TRPM2: variants seen among roughly 807,000 people sequenced by gnomAD.
TRPM2 encodes the protein transient receptor potential cation channel subfamily M member 2.
Under a neutral mutation model 174.0 loss-of-function variants are expected in TRPM2, and 161 were observed. The observed-to-expected ratio is 0.93, with a 90% CI of 0.81 to 1.05. The LOEUF is 1.05. Among genes scored for constraint, TRPM2 ranks in the 50% least tolerant of loss-of-function variants. TRPM2 has a pLI of 0.00. For missense variants in TRPM2, 2,057 were observed against 2,038.0 expected, an observed-to-expected ratio of 1.01 and a Z score of -0.18; for synonymous variants, 954 against 861.3, an observed-to-expected ratio of 1.11 and a Z score of -1.88.
intron 11 of TRPM2, among the ~76,000 whole-genome samples, chr21:44,392,610 C>A (rs372550903): frequency 3.2e-4 from 48 of 152,026 alleles, no homozygotes; most frequent in East Asian, 2.7e-3. Flanking sequence ...CACTTAGGAA[C>A]CCACAATGTG....
At position 44,376,468 on chromosome 21, in the gene TRPM2, G is replaced by T. The variant is rs933519965; in HGVS notation, c.952+455G>T. 9.2e-5 allele frequency among the ~76,000 whole-genome samples: 14 copies of T among 151,984 alleles called. No individual in the cohort carries two copies. Among genetic ancestry groups the T allele is most frequent in the South Asian group, 2.1e-4 (1 of 4,812 alleles). On this transcript the variant is annotated intron_variant, in intron 6 of 31. Coordinates refer to ENST00000397928, the MANE Select transcript of TRPM2 (RefSeq NM_003307.4). This position sits in a 1 kb window ranked among gnomAD's most constrained non-coding sequence, Gnocchi z 4.2. ...TGTGATCTCAGCTCACTGTAGCCTC[G>T]AACTTCTGGGCTCAAGGGATCCTCC... is the stretch of plus-strand genomic sequence containing the variant.
intron 19 of TRPM2, among the ~76,000 whole-genome samples, chr21:44,413,307 C>T (rs183521588): frequency 1.7e-3 from 249 of 149,360 alleles, no homozygotes; most frequent in Middle Eastern, 3.5e-3. Flanking sequence ...GAGGCAACCT[C>T]GGCTCACTGC....
chr21:44,405,908 C>T lies in TRPM2; in HGVS notation c.2661C>T (p.Leu887=), dbSNP rs145401700. 1.1e-4 allele frequency: 180 copies of T among 1,602,376 alleles called. No individual in the cohort carries two copies. Among genetic ancestry groups the T allele is most frequent in the Non-Finnish European group, 1.4e-4 (165 of 1,179,436 alleles). Reference sequence around the variant, plus strand: ...TGTGCTTCTGCCCGGCGGCCAGGCTCATCCCGGCGACGCTGTACCCCGGGC... The same window carrying T: ...TGTGCTTCTGCCCGGCGGCCAGGCTTATCCCGGCGACGCTGTACCCCGGGC... ...LLFVAGLTCR[L]IPATLYPGRV... Residue 887 remains leucine (L), a synonymous_variant, in exon 18 of 32, where the codon CTC becomes CTT. Transcript: ENST00000397928.
chr21:44,437,851 G>T (rs549744984), intron 29 of TRPM2, among the ~76,000 whole-genome samples: 32 of 152,376 alleles, frequency 2.1e-4, no homozygotes, highest in African/African-American at 6.3e-4. Flanking sequence ...GAAGAGGCTG[G>T]TCCTGCCAGG....
Position 44,438,609 on chromosome 21 carries a change from C to A in TRPM2, c.4168-458C>A. On this transcript the variant is annotated intron_variant, in intron 29 of 31. Coordinates refer to ENST00000397928, the MANE Select transcript of TRPM2 (RefSeq NM_003307.4). The surrounding 1 kb of genome is among the most constrained non-coding windows in gnomAD (Gnocchi z 5.9). ...CTGGGTCCCTGAGTCAGGTGGCGCT[C>A]GGGAGCGTCTGGGAGCCCAGCCAGC... 6.6e-6 allele frequency among the ~76,000 whole-genome samples: 1 copy of A among 151,988 alleles called. No individual in the cohort carries two copies.
chr21:44,409,716 T>C (rs2050030841), intron 19 of TRPM2, among the ~76,000 whole-genome samples: 1 of 134,340 alleles, frequency 7.4e-6, no homozygotes, highest in African/African-American at 2.7e-5. Flanking sequence ...TTGGTTGGCG[T>C]AGACTTGTAG....
intron 5 of TRPM2, among the ~76,000 whole-genome samples, chr21:44,373,061 G>A (rs1320706031): frequency 6.6e-6 from 1 of 152,172 alleles, no homozygotes; most frequent in Non-Finnish European, 1.5e-5. Flanking sequence ...GGGCTCTGCA[G>A]ACCTTTCCTG....
At chr21:44,357,340 G>C (rs762746279) in intron 2 of TRPM2, among the ~76,000 whole-genome samples, 36 of 152,206 alleles carry the variant, frequency 2.4e-4, no homozygotes, top group Admixed American at 1.5e-3. Flanking sequence ...TGCTGACCTG[G>C]ATCAGATGTA....
chr21:44,422,338 C>T lies in TRPM2; in HGVS notation c.3462-1307C>T, dbSNP rs1004919294. ...AAATCTAGACAGTTCCTGCATCTCA[C>T]GGTGGTGGAATCACGCGGGTCCGAG... On this transcript the variant is annotated intron_variant, in intron 22 of 31. Transcript: ENST00000397928. The T allele has an allele frequency of 4.6e-5, 71 of 1,535,998 alleles. No homozygotes were observed. In the East Asian group the frequency reaches 7.6e-4, roughly 16 times the overall value.
At chr21:44,358,005 G>A (rs1281635420) in intron 2 of TRPM2, among the ~76,000 whole-genome samples, 8 of 152,188 alleles carry the variant, frequency 5.3e-5, no homozygotes, top group Non-Finnish European at 7.3e-5. Flanking sequence ...CGAGTGGTGA[G>A]CATCGTCTGC....
Position 44,430,650 on chromosome 21 carries a change from C to T in TRPM2, c.3974+3539C>T, listed in dbSNP as rs1218370510. Among the ~76,000 whole-genome samples, 12 of 9,410 alleles carry T rather than the reference C, an allele frequency of 1.3e-3. 6 individuals carry two copies. Among genetic ancestry groups the T allele is most frequent in the African/African-American group, 3.8e-3 (8 of 2,088 alleles). 6.2% of individuals were successfully genotyped at this position (9,410 alleles called of 152,430 possible). A position where few individuals can be genotyped will look rare whatever the true frequency, so the allele number is the denominator to read the frequency against. ...TTCACCTTGTTAGCCAGGATGGTCT[C>T]GATCTTCTGACCTCATGATCCACCC... On this transcript the variant is annotated intron_variant, in intron 27 of 31. Transcript: ENST00000397928.
chr21:44,364,823 A>T (rs924683167), intron 3 of TRPM2, among the ~76,000 whole-genome samples: 1 of 152,158 alleles, frequency 6.6e-6, no homozygotes, highest in Non-Finnish European at 1.5e-5. Flanking sequence ...GAGCGCTGTG[A>T]GGGTGCAGAC....
intron 16 of TRPM2, among the ~76,000 whole-genome samples, chr21:44,403,865 TATACAC>T (rs2049737015): frequency 6.7e-6 from 1 of 149,172 alleles, no homozygotes; most frequent in African/African-American, 2.5e-5. Context: ...TACACACAAA[TATACAC>T]ATACATACAC....
rs563121385 is a variant in TRPM2 at position 44,366,409 on chromosome 21, C to T, written c.424-345C>T. Among the ~76,000 whole-genome samples the T allele has an allele frequency of 2.3e-5, 3 of 132,664 alleles. No homozygotes were observed. The highest frequency in any genetic ancestry group is 2.0e-4 in the East Asian group (1 of 5,124). The allele number at this position is 132,664 out of a possible 152,430, so 87.0% of individuals were successfully genotyped here. A position where few individuals can be genotyped will look rare whatever the true frequency, so the allele number is the denominator to read the frequency against. The stretch of plus-strand genomic sequence containing the variant: ...CGGGGGAGGCAGGGCCCAGGCGCTA[C>T]GGCGGGAATTGGAGTCTGTGCTGGC... On this transcript the variant is annotated intron_variant, in intron 3 of 31. Coordinates refer to ENST00000397928, the MANE Select transcript of TRPM2 (RefSeq NM_003307.4). This position sits in a 1 kb window ranked among gnomAD's most constrained non-coding sequence, Gnocchi z 6.0.
chr21:44,435,095 T>G (rs776272881), intron 27 of TRPM2, 36 bp from the exon 28 acceptor site: 11 of 1,594,724 alleles, frequency 6.9e-6, no homozygotes, highest in Non-Finnish European at 9.4e-6. Context: ...CCCCCATTGG[T>G]GGACGGTGGA....
At chr21:44,419,200 GA>G (rs1438831652) in intron 22 of TRPM2, among the ~76,000 whole-genome samples, 2 of 152,158 alleles carry the variant, frequency 1.3e-5, no homozygotes, top group African/African-American at 4.8e-5. Context: ...GGAGGAGGGG[GA>G]AATGGACACG....
At chr21:44,388,506 A>C (rs1467148500) in intron 9 of TRPM2, among the ~76,000 whole-genome samples, 1 of 152,126 alleles carries the variant, frequency 6.6e-6, no homozygotes, top group Non-Finnish European at 1.5e-5. Flanking sequence ...CAACATTATG[A>C]ATATACTTAA....
chr21:44,400,335 C>T lies in TRPM2; in HGVS notation c.2285C>T (p.Ala762Val), dbSNP rs752951885. The T allele has an allele frequency of 5.6e-6, 9 of 1,612,646 alleles. No individual in the cohort carries two copies. In the East Asian group the frequency reaches 2.0e-4, roughly 36 times the overall value. The stretch of plus-strand genomic sequence containing the variant: ...TGGCGTGTGACCCTGTGCATGCTGG[C>T]CTTCCCGCTGCTCCTCACCGGCCTC... The part of the protein sequence containing the change: ...GLWRVTLCML[A>V]FPLLLTGLIS... The change falls in exon 15 of 32, where the codon GCC (alanine) becomes GTC (valine). Residue 762 changes from alanine (A) to valine (V), a missense_variant. Ala to Val is a moderately conservative substitution (Grantham distance 64). Transcript: ENST00000397928.
In TRPM2 at chr21:44,382,946, T is replaced by C. The variant is rs2048926222; in HGVS notation, c.1318+126T>C. The C allele has an allele frequency of 2.9e-6, 3 of 1,017,262 alleles. No homozygotes were observed. The Admixed American group carries it at 6.9e-5, about 23-fold the overall frequency. 63.0% of individuals were successfully genotyped at this position (1,017,262 alleles called of 1,614,324 possible). On this transcript the variant is annotated intron_variant, in intron 9 of 31. Transcript: ENST00000397928. ...AATATTCCTCCTTGGTCAGAAACCC[T>C]GGCCAGAGGGCAGCTGGCGACGTGC...
Sources: allele counts gnomAD v4.1 joint callset (sites outside exome capture counted in the v4.1 genomes callset), GRCh38; gene constraint gnomAD v4.1.1; non-coding constraint Gnocchi (gnomAD v3.1); transcripts MANE v1.5; gene names NCBI Gene and HGNC (gene_info 2026-07-23, HGNC 2026-07-21).